The following TINCR variants were observed in gnomAD, a reference collection of about 807,000 sequenced individuals.
The protein encoded by TINCR is TINCR ubiquitin domain containing.
chr19:5,567,626 G>GCCTCCCCCCCCCCCCCCCCCC, intron 1 of TINCR, 39 bp downstream of exon 1: 45 of 202,428 alleles, frequency 2.2e-4, no homozygotes, highest in Non-Finnish European at 3.2e-4. Context: ...GTCCCCGGCC[G>GCCTCCCCCCCCCCCCCCCCCC]CCGCCCCCGC....
At chr19:5,564,110 G>T (rs1048523591) in intron 1 of TINCR, among the ~76,000 whole-genome samples, 2 of 152,118 alleles carry the variant, frequency 1.3e-5, no homozygotes, top group African/African-American at 4.8e-5. Context: ...GCATTTCACA[G>T]AGTGTAGAAA....
In TINCR at chr19:5,563,245, G is replaced by A. The variant is rs369312858; in HGVS notation, c.261-296C>T. On this transcript the variant is annotated intron_variant, in intron 1 of 1. Transcript: ENST00000646160. The surrounding 1 kb of genome is among the most constrained non-coding windows in gnomAD (Gnocchi z 4.7). ...TGCCGGCAGAGGAGGGACACGCCCC[G>A]ACTCAGGGGCTCACAGGCGCCCTCT... Among the ~76,000 whole-genome samples the A allele has an allele frequency of 6.6e-6, 1 of 152,008 alleles. No individual in the cohort carries two copies. The highest frequency in any genetic ancestry group is 1.5e-5 in the Non-Finnish European group (1 of 68,012).
At chr19:5,567,884 TAGCGCTTCC>T in exon 1 of TINCR, 1 of 389,898 alleles carries the variant, frequency 2.6e-6, no homozygotes, top group South Asian at 1.3e-4. Flanking sequence ...CTTGATGTGG[TAGCGCTTCC>T]AGCGCGACAG....
At chr19:5,564,704 A>G (rs1568193391) in intron 1 of TINCR, among the ~76,000 whole-genome samples, 1 of 152,156 alleles carries the variant, frequency 6.6e-6, no homozygotes, top group Non-Finnish European at 1.5e-5. Flanking sequence ...CAGCCTCCCA[A>G]GTAGCTGGGA....
chr19:5,567,699 C>A (rs1469572713), exon 1 of TINCR: 2 of 383,376 alleles, frequency 5.2e-6, no homozygotes, highest in Non-Finnish European at 9.2e-6. Flanking sequence ...ACCGAGCCGT[C>A]CTGCAGGCGC....
downstream of TINCR, chr19:5,561,563 G>C (rs564193449): frequency 6.6e-6 from 1 of 152,396 alleles, no homozygotes; most frequent in Admixed American, 6.5e-5. Context: ...TGTCCTTTAA[G>C]AGGAACAGGG....
rs1485051156 is a variant in TINCR at position 5,563,315 on chromosome 19, G to A, written c.261-366C>T. Among the ~76,000 whole-genome samples, 1 of 152,036 alleles carries A rather than the reference G, an allele frequency of 6.6e-6. No individual in the cohort carries two copies. The highest frequency in any genetic ancestry group is 2.1e-4 in the South Asian group (1 of 4,818). ...ACAGACTTGTAGGGGACAAGGGCAG[G>A]GGCTGCGGACCTTGGTGGGGGGCAA... On this transcript the variant is annotated intron_variant, in intron 1 of 1. Coordinates refer to ENST00000646160, the Ensembl canonical transcript of TINCR. This position sits in a 1 kb window ranked among gnomAD's most constrained non-coding sequence, Gnocchi z 4.7.
chr19:5,565,717 G>T lies in TINCR; in HGVS notation c.260+1948C>A, dbSNP rs1425882389. On this transcript the variant is annotated intron_variant, in intron 1 of 1. Transcript: ENST00000646160. This position sits in a 1 kb window ranked among gnomAD's most constrained non-coding sequence, Gnocchi z 4.0. ...GGAGGGGGCCTCTCCTGCCCCCATT[G>T]CAGCCCCAGACTCCTGCAACGGGGT... Among the ~76,000 whole-genome samples, 1 of 152,114 alleles carries T rather than the reference G, an allele frequency of 6.6e-6. No individual in the cohort carries two copies. The highest frequency in any genetic ancestry group is 2.4e-5 in the African/African-American group (1 of 41,416).
chr19:5,567,626 G>GCCCCCCC, intron 1 of TINCR, 39 bp downstream of exon 1: 4 of 202,442 alleles, frequency 2.0e-5, no homozygotes, highest in East Asian at 9.7e-5. Flanking sequence ...GTCCCCGGCC[G>GCCCCCCC]CCGCCCCCGC....
In TINCR at chr19:5,563,108, A is replaced by G. The variant is rs1369722395; in HGVS notation, c.261-159T>C. ...GGCTGGAGCAGAGTGAGGAAGGGGA[A>G]GAGAGGGAGGAGGAGCAAGCAGGGA... On this transcript the variant is annotated intron_variant, in intron 1 of 1. Coordinates refer to ENST00000646160, the Ensembl canonical transcript of TINCR. The surrounding 1 kb of genome is among the most constrained non-coding windows in gnomAD (Gnocchi z 4.7). Among the ~76,000 whole-genome samples the G allele has an allele frequency of 6.6e-6, 1 of 151,824 alleles. No individual in the cohort carries two copies. The highest frequency in any genetic ancestry group is 2.4e-5 in the African/African-American group (1 of 41,318).
chr19:5,567,692 G>A (rs2052138847), exon 1 of TINCR: 1 of 124,192 alleles, frequency 8.1e-6, no homozygotes, highest in Admixed American at 1.1e-4. Context: ...CAGCAGCACC[G>A]AGCCGTCCTG....
At chr19:5,561,776 A>C (rs1286104960), downstream of TINCR, 1 of 152,172 alleles carries the variant, frequency 6.6e-6, no homozygotes, top group Non-Finnish European at 1.5e-5. Flanking sequence ...AGAGTGCAGT[A>C]AAGCCAAATC....
rs1156283395 is a variant in TINCR, at chr19:5,563,297, T to C, written c.261-348A>G. 6.6e-6 allele frequency among the ~76,000 whole-genome samples: 1 copy of C among 151,268 alleles called. No homozygotes were observed. The highest frequency in any genetic ancestry group is 2.4e-5 in the African/African-American group (1 of 41,146). ...GCACCTGCTACGGGGAGGACAGACT[T>C]GTAGGGGACAAGGGCAGGGGCTGCG... is the stretch of plus-strand genomic sequence containing the variant. On this transcript the variant is annotated intron_variant, in intron 1 of 1. Coordinates refer to ENST00000646160, the Ensembl canonical transcript of TINCR. The surrounding 1 kb of genome is among the most constrained non-coding windows in gnomAD (Gnocchi z 4.7).
chr19:5,567,629 G>A, intron 1 of TINCR, 36 bp downstream of exon 1: 24 of 181,980 alleles, frequency 1.3e-4, no homozygotes, highest in Middle Eastern at 2.2e-3. Context: ...CCCGGCCGCC[G>A]CCCCCGCCCC....
chr19:5,566,520 C>G (rs1344603823), intron 1 of TINCR, among the ~76,000 whole-genome samples: 3 of 146,884 alleles, frequency 2.0e-5, no homozygotes, highest in Non-Finnish European at 4.5e-5. Flanking sequence ...GACAGAGACT[C>G]ACAGAGACAC....
chr19:5,566,732 G>A (rs1290787691), intron 1 of TINCR, among the ~76,000 whole-genome samples: 2 of 151,458 alleles, frequency 1.3e-5, no homozygotes, highest in African/African-American at 4.9e-5. Flanking sequence ...CAGACACAGA[G>A]AGACACAAGG....
In TINCR at chr19:5,565,487, T is replaced by C. The variant is rs576531770; in HGVS notation, c.260+2178A>G. 6.6e-6 allele frequency among the ~76,000 whole-genome samples: 1 copy of C among 151,962 alleles called. No individual in the cohort carries two copies. The highest frequency in any genetic ancestry group is 6.6e-5 in the Admixed American group (1 of 15,254). On this transcript the variant is annotated intron_variant, in intron 1 of 1. Coordinates refer to ENST00000646160, the Ensembl canonical transcript of TINCR. The surrounding 1 kb of genome is among the most constrained non-coding windows in gnomAD (Gnocchi z 4.0). The stretch of plus-strand genomic sequence containing the variant: ...CTGAATTTCAGTGTCCAGCATGGAG[T>C]CTGGCACACAGTAGGCACACAATAA...
At chr19:5,566,372 G>A (rs2052128983) in intron 1 of TINCR, among the ~76,000 whole-genome samples, 3 of 151,536 alleles carry the variant, frequency 2.0e-5, no homozygotes, top group Admixed American at 6.6e-5. Context: ...AGAGACAAAA[G>A]AGACACACAG....
intron 1 of TINCR, 36 bp downstream of exon 1, chr19:5,567,629 G>GCCCCCCCCCCCCCCCCCCCCCCCCCCC: frequency 2.7e-5 from 5 of 181,986 alleles, no homozygotes; most frequent in Non-Finnish European, 4.4e-5. Context: ...CCCGGCCGCC[G>GCCCCCCCCCCCCCCCCCCCCCCCCCCC]CCCCCGCCCC....
Sources: allele counts gnomAD v4.1 joint callset (sites outside exome capture counted in the v4.1 genomes callset), GRCh38; gene constraint gnomAD v4.1.1; non-coding constraint Gnocchi (gnomAD v3.1); transcripts MANE v1.5; gene names NCBI Gene and HGNC (gene_info 2026-07-23, HGNC 2026-07-21).